CEP192: variants seen among roughly 807,000 people sequenced by gnomAD.
The protein encoded by CEP192 is centrosomal protein 192, also known as centrosomal protein of 192 kDa.
CEP192 carries 151 observed loss-of-function variants against 271.8 expected under a neutral mutation model. The observed-to-expected ratio is 0.56, with a 90% CI of 0.49 to 0.64. The LOEUF is 0.64. CEP192 is among the 30% of genes least tolerant of loss of function. The probability of loss-of-function intolerance (pLI) is 0.00; values close to 1 mark genes in which losing one functional copy is unlikely to be tolerated. For missense variants in CEP192, 2,910 were observed against 3,020.5 expected (o/e 0.96, Z 0.86); for synonymous variants, 995 against 1,076.5 (o/e 0.92, Z 1.48).
At chr18:13,046,292 G>A (rs1049092792) in intron 15 of CEP192, among the ~76,000 whole-genome samples, 5 of 152,230 alleles carry the variant, frequency 3.3e-5, no homozygotes, top group African/African-American at 2.4e-5. Flanking sequence ...GGGGTTCACC[G>A]CTATGACCCA....
At chr18:12,992,937 C>G (rs1285694318) in intron 1 of CEP192, among the ~76,000 whole-genome samples, 1 of 152,150 alleles carries the variant, frequency 6.6e-6, no homozygotes, top group East Asian at 1.9e-4. Flanking sequence ...TTAGGCCCTT[C>G]TAAATAGGGA....
At chr18:13,034,545 C>T (rs1413668455) in intron 11 of CEP192, among the ~76,000 whole-genome samples, 3 of 152,020 alleles carry the variant, frequency 2.0e-5, no homozygotes, top group African/African-American at 4.8e-5. Context: ...CAGTGGCTTA[C>T]GCCTGTAATC....
chr18:13,052,879 G>T, intron 17 of CEP192, 40 bp from the exon 18 acceptor site: 1 of 1,430,340 alleles, frequency 7.0e-7, no homozygotes, highest in South Asian at 1.6e-5. Flanking sequence ...ATAGTTGAAG[G>T]ACTGGAGAAC....
Position 13,056,328 on chromosome 18 carries a change from T to C in CEP192, c.3738T>C (p.Ala1246=), listed in dbSNP as rs1568347622. 1.2e-6 allele frequency: 2 copies of C among 1,614,254 alleles called. No individual in the cohort carries two copies. The highest frequency in any genetic ancestry group is 2.2e-5 in the South Asian group (2 of 91,086). The change falls in exon 19 of 45, where the codon GCT becomes GCC. Residue 1246 remains alanine, a synonymous_variant. Coordinates refer to ENST00000506447, the MANE Select transcript of CEP192 (RefSeq NM_032142.4). The part of the protein sequence containing the change: ...SVADMQNMPA[A]VHALLTQPSL... ...CTGACATGCAGAACATGCCTGCTGC[T>C]GTGCACGCACTCTTGACACAACCCT...
chr18:13,108,539 C>G (rs1174285883), intron 40 of CEP192, among the ~76,000 whole-genome samples: 2 of 152,122 alleles, frequency 1.3e-5, no homozygotes, highest in Non-Finnish European at 2.9e-5. Flanking sequence ...AAGCAGCCAA[C>G]AAACCTGAAA....
At chr18:13,084,587 G>T (rs1303221592) in intron 30 of CEP192, among the ~76,000 whole-genome samples, 1 of 152,166 alleles carries the variant, frequency 6.6e-6, no homozygotes, top group African/African-American at 2.4e-5. Context: ...TCCCGGGTGA[G>T]GCAATGCCCC....
At chr18:13,019,994 A>G (rs1473499117) in intron 9 of CEP192, among the ~76,000 whole-genome samples, 1 of 152,000 alleles carries the variant, frequency 6.6e-6, no homozygotes, top group African/African-American at 2.4e-5. Flanking sequence ...TATTTTTAGT[A>G]GAGATGGAGT....
intron 28 of CEP192, among the ~76,000 whole-genome samples, chr18:13,071,884 A>G (rs1489703049): frequency 6.6e-6 from 1 of 152,218 alleles, no homozygotes; most frequent in African/African-American, 2.4e-5. Flanking sequence ...ATATGACTCT[A>G]TGGAAACCTA....
At chr18:13,038,935 G>T (rs1263236272) in intron 13 of CEP192, among the ~76,000 whole-genome samples, 2 of 152,210 alleles carry the variant, frequency 1.3e-5, no homozygotes, top group African/African-American at 4.8e-5. Flanking sequence ...GTTGGTTGGT[G>T]TGAAGAATTC....
intron 44 of CEP192, among the ~76,000 whole-genome samples, chr18:13,121,152 C>T (rs1369844118): frequency 6.6e-6 from 1 of 152,208 alleles, no homozygotes; most frequent in African/African-American, 2.4e-5. Flanking sequence ...ATGAGAGCAG[C>T]AGTTAGCTTG....
intron 38 of CEP192, among the ~76,000 whole-genome samples, chr18:13,103,034 C>T (rs1598611476): frequency 6.6e-6 from 1 of 152,222 alleles, no homozygotes; most frequent in Admixed American, 6.5e-5. Context: ...CTTCCTCCCT[C>T]CTGCCACTCT....
intron 30 of CEP192, among the ~76,000 whole-genome samples, chr18:13,085,871 A>G (rs1400891175): frequency 6.6e-6 from 1 of 152,076 alleles, no homozygotes; most frequent in East Asian, 1.9e-4. Flanking sequence ...TGTCTTGGCT[A>G]TACGGGCTCT....
intron 15 of CEP192, among the ~76,000 whole-genome samples, chr18:13,046,598 C>T (rs893171168): frequency 1.3e-5 from 2 of 151,808 alleles, no homozygotes; most frequent in Admixed American, 1.3e-4. Flanking sequence ...ATAATTATAA[C>T]CTGTCTCTTG....
intron 33 of CEP192, among the ~76,000 whole-genome samples, chr18:13,092,071 A>G (rs1049747030): frequency 6.6e-6 from 1 of 152,236 alleles, no homozygotes; most frequent in Admixed American, 6.5e-5. Flanking sequence ...ACAACCCCTG[A>G]TACAGATCGT....
intron 44 of CEP192, among the ~76,000 whole-genome samples, chr18:13,121,232 A>G (rs756297757): frequency 6.6e-6 from 1 of 152,206 alleles, no homozygotes; most frequent in Non-Finnish European, 1.5e-5. Flanking sequence ...AGTTAATCAC[A>G]TTTTTCATTT....
At chr18:13,121,929 T>C (rs1352317454) in intron 44 of CEP192, among the ~76,000 whole-genome samples, 1 of 152,266 alleles carries the variant, frequency 6.6e-6, no homozygotes, top group African/African-American at 2.4e-5. Context: ...TCAGTTTCTT[T>C]GATAATGGTG....
At chr18:13,081,304 T>C (rs554719) in intron 30 of CEP192, among the ~76,000 whole-genome samples, 104,276 of 151,986 alleles carry the variant, frequency 0.69, 36,444 homozygotes, top group African/African-American at 0.82. Context: ...ATTATTGCCT[T>C]AATTTTAGAG....
intron 30 of CEP192, among the ~76,000 whole-genome samples, chr18:13,075,839 T>A (rs1310470290): frequency 6.6e-6 from 1 of 152,216 alleles, no homozygotes; most frequent in East Asian, 1.9e-4. Context: ...TACTTGCTGG[T>A]CAGTGGTAGA....
rs767703574 is a variant in CEP192, at chr18:13,113,568, T to A, written c.7048-18T>A. ...TAATGATCAGTGTCTAAATTTCTCT[T>A]CTGTATGTATTTCGTAGGTCTCCAT... On this transcript the variant is annotated intron_variant, in intron 40 of 44. Coordinates refer to ENST00000506447, the MANE Select transcript of CEP192 (RefSeq NM_032142.4). The A allele has an allele frequency of 8.1e-6, 13 of 1,611,604 alleles. No homozygotes were observed. In the Admixed American group the frequency reaches 2.0e-4, roughly 25 times the overall value.
Sources: gnomAD v4.1 joint callset for allele counts (sites outside exome capture counted in the v4.1 genomes callset) on GRCh38, gnomAD v4.1.1 for gene constraint, MANE v1.5 for transcripts, NCBI Gene and HGNC (gene_info 2026-07-23, HGNC 2026-07-21) for gene names.